Variants in PRKN observed in about 807,000 individuals in gnomAD.
The protein encoded by PRKN is parkin RBR E3 ubiquitin protein ligase, also known as E3 ubiquitin-protein ligase parkin.
In PRKN, 56 loss-of-function variants were observed where a neutral mutation model predicts 59.5. The ratio of observed to expected loss-of-function variants is 0.94; its 90% CI spans 0.76 to 1.18. The LOEUF (loss-of-function observed/expected upper bound fraction) is 1.18. PRKN is among the 50% of genes most tolerant of loss of function. The pLI, the probability that PRKN is intolerant of heterozygous loss-of-function variation, is 0.00. For synonymous variants in PRKN, 250 were observed against 222.1 expected (o/e 1.13, Z -1.12); for missense variants, 657 against 596.4 (o/e 1.10, Z -1.06).
At chr6:162,235,374 T>TA (rs1321874623) in intron 3 of PRKN, among the ~76,000 whole-genome samples, 1 of 152,210 alleles carries the variant, frequency 6.6e-6, no homozygotes, top group Non-Finnish European at 1.5e-5. Flanking sequence ...AAATGAGTCT[T>TA]ACGACATGCC....
At chr6:162,498,832 G>GATTACTGTTGAGA (rs56708693) in intron 1 of PRKN, among the ~76,000 whole-genome samples, 33 of 151,864 alleles carry the variant, frequency 2.2e-4, no homozygotes, top group Non-Finnish European at 5.9e-5. Flanking sequence ...ATGAGAATTG[G>GATTACTGTTGAGA]ACAGTAGCCG....
intron 7 of PRKN, among the ~76,000 whole-genome samples, chr6:161,743,179 C>T (rs1425854381): frequency 2.0e-5 from 3 of 150,054 alleles, no homozygotes; most frequent in South Asian, 4.2e-4. Flanking sequence ...CTGGCACTCC[C>T]AACCTCTCCT....
Position 162,408,050 on chromosome 6 carries a change from A to G in PRKN, c.171+35260T>C, listed in dbSNP as rs897727439. Among the ~76,000 whole-genome samples the G allele has an allele frequency of 3.9e-5, 6 of 152,170 alleles. No homozygotes were observed. The East Asian group carries it at 9.7e-4, about 24-fold the overall frequency. On this transcript the variant is annotated intron_variant, in intron 2 of 11. Coordinates refer to ENST00000366898, the MANE Select transcript of PRKN (RefSeq NM_004562.3). ...CCACTATGATATCTACATCTTTTCAATTTTATTTCAGCATTTCTTTTTCAT... is the reference window on the plus strand; with the variant it reads ...CCACTATGATATCTACATCTTTTCAGTTTTATTTCAGCATTTCTTTTTCAT...
intron 7 of PRKN, among the ~76,000 whole-genome samples, chr6:161,621,967 C>G (rs1420071309): frequency 1.3e-5 from 2 of 152,164 alleles, no homozygotes; most frequent in African/African-American, 4.8e-5. Flanking sequence ...GCTTAAGCCA[C>G]CCTCTGTTTT....
chr6:162,192,867 C>T (rs1268927723), intron 4 of PRKN, among the ~76,000 whole-genome samples: 1 of 152,134 alleles, frequency 6.6e-6, no homozygotes, highest in Non-Finnish European at 1.5e-5. Context: ...AGACACTCTA[C>T]ACAACAAAAT....
intron 2 of PRKN, among the ~76,000 whole-genome samples, chr6:162,341,481 A>C (rs1013734806): frequency 2.6e-5 from 4 of 152,202 alleles, no homozygotes; most frequent in African/African-American, 9.6e-5. Flanking sequence ...GGCACTGTTC[A>C]CAATAGCAAA....
In PRKN at chr6:162,625,690, GTA is replaced by G. The variant is rs140690589; in HGVS notation, c.7+101970_7+101971del. On this transcript the variant is annotated intron_variant, in intron 1 of 11. Transcript: ENST00000366898. ...GTATTTATGTATGTGTGTGTATCATGTATATATATGTGTGTGTGTGTGTATAT... is the reference window on the plus strand; with the variant it reads ...GTATTTATGTATGTGTGTGTATCATGTATATATGTGTGTGTGTGTGTATAT... Among the ~76,000 whole-genome samples, 83 of 151,712 alleles carry G rather than the reference GTA, an allele frequency of 5.5e-4. No homozygotes were observed. In the East Asian group the frequency reaches 0.011, roughly 20 times the overall value.
chr6:162,254,924 A>T (rs2128097506), intron 3 of PRKN, among the ~76,000 whole-genome samples: 1 of 152,178 alleles, frequency 6.6e-6, no homozygotes, highest in South Asian at 2.1e-4. Flanking sequence ...CTGGAAAACA[A>T]CGAAAATGTA....
At chr6:161,720,270 C>T (rs929601373) in intron 7 of PRKN, among the ~76,000 whole-genome samples, 3 of 152,184 alleles carry the variant, frequency 2.0e-5, no homozygotes, top group Non-Finnish European at 2.9e-5. Flanking sequence ...CCAGGTATGA[C>T]GTGAAGGTCT....
chr6:162,461,971 A>G (rs533433278), intron 1 of PRKN, among the ~76,000 whole-genome samples: 1 of 152,302 alleles, frequency 6.6e-6, no homozygotes, highest in Admixed American at 6.5e-5. Flanking sequence ...GCTACAGGTT[A>G]AAGACACAGT....
At chr6:161,675,375 T>C (rs966832459) in intron 7 of PRKN, among the ~76,000 whole-genome samples, 5 of 151,860 alleles carry the variant, frequency 3.3e-5, no homozygotes, top group African/African-American at 1.2e-4. Flanking sequence ...CATGGAAACA[T>C]AGAGAGGAGC....
intron 4 of PRKN, among the ~76,000 whole-genome samples, chr6:162,197,898 G>A (rs942836812): frequency 1.3e-5 from 2 of 152,154 alleles, no homozygotes; most frequent in Non-Finnish European, 2.9e-5. Flanking sequence ...TATGGACAAG[G>A]CACTTTGTGA....
intron 7 of PRKN, among the ~76,000 whole-genome samples, chr6:161,771,188 C>G (rs893659133): frequency 6.6e-6 from 1 of 151,618 alleles, no homozygotes; most frequent in African/African-American, 2.4e-5. Flanking sequence ...AACCCTGTCT[C>G]TACTAAAAAT....
At chr6:161,604,531 T>A (rs1782210081) in intron 7 of PRKN, among the ~76,000 whole-genome samples, 3 of 152,216 alleles carry the variant, frequency 2.0e-5, no homozygotes, top group Admixed American at 2.0e-4. Context: ...TGGAGTTTAT[T>A]CAGCTGGAGG....
chr6:162,468,378 T>C (rs751550110), intron 1 of PRKN, among the ~76,000 whole-genome samples: 1 of 152,192 alleles, frequency 6.6e-6, no homozygotes, highest in Non-Finnish European at 1.5e-5. Context: ...ATAACTGGAC[T>C]GAGAGAAAAA....
chr6:162,066,380 G>A (rs1778337047), intron 4 of PRKN, among the ~76,000 whole-genome samples: 1 of 151,914 alleles, frequency 6.6e-6, no homozygotes, highest in African/African-American at 2.4e-5. Context: ...ATTAGCTGTG[G>A]CTAACATATA....
chr6:161,904,524 C>T (rs1342692627), intron 6 of PRKN, among the ~76,000 whole-genome samples: 2 of 151,934 alleles, frequency 1.3e-5, no homozygotes, highest in Non-Finnish European at 2.9e-5. Context: ...ACTGTGTCAG[C>T]CAGGACGGTC....
At chr6:162,376,777 G>C (rs1472306063) in intron 2 of PRKN, among the ~76,000 whole-genome samples, 2 of 97,686 alleles carry the variant, frequency 2.0e-5, no homozygotes, top group Non-Finnish European at 4.3e-5. Context: ...AAGGGAGGGG[G>C]AGGGGGAGGG....
chr6:162,569,616 T>A (rs764217849), intron 1 of PRKN: 3 of 711,118 alleles, frequency 4.2e-6, no homozygotes, highest in Non-Finnish European at 7.8e-6. Context: ...GGCTCTGACA[T>A]GGGCTCCAGC....
Sources: allele counts gnomAD v4.1 joint callset (sites outside exome capture counted in the v4.1 genomes callset), GRCh38; gene constraint gnomAD v4.1.1; transcripts MANE v1.5; gene names NCBI Gene and HGNC (gene_info 2026-07-23, HGNC 2026-07-21).